MARCHF3: variants seen among roughly 807,000 people sequenced by gnomAD.
MARCHF3 encodes E3 ubiquitin-protein ligase MARCHF3.
MARCHF3 carries 13 observed loss-of-function variants against 24.2 expected under a neutral mutation model. The observed-to-expected ratio is 0.54, with a 90% confidence interval of 0.35 to 0.85. The LOEUF (loss-of-function observed/expected upper bound fraction) is 0.85. MARCHF3 is among the 40% of genes least tolerant of loss of function. MARCHF3 has a pLI of 0.01. For synonymous variants in MARCHF3, 144 were observed against 137.3 expected, an observed-to-expected ratio of 1.05 and a Z score of -0.34; for missense variants, 276 against 325.0, an observed-to-expected ratio of 0.85 and a Z score of 1.16.
chr5:126,999,195 C>T (rs1029336042), intron 1 of MARCHF3, among the ~76,000 whole-genome samples: 6 of 152,220 alleles, frequency 3.9e-5, no homozygotes, highest in African/African-American at 1.4e-4. Context: ...AAAAAATTGC[C>T]AACTTGCATA....
intron 1 of MARCHF3, among the ~76,000 whole-genome samples, chr5:126,996,868 G>T (rs180979117): frequency 6.6e-6 from 1 of 152,094 alleles, no homozygotes; most frequent in Admixed American, 6.5e-5. Flanking sequence ...AAATCAGAGC[G>T]CAGAAGAGTA....
chr5:126,899,703 C>G (rs1214807850), intron 3 of MARCHF3, among the ~76,000 whole-genome samples: 1 of 152,140 alleles, frequency 6.6e-6, no homozygotes, highest in Non-Finnish European at 1.5e-5. Flanking sequence ...AGAAGTGCCA[C>G]TCTACTCTTC....
chr5:126,899,343 G>C, intron 3 of MARCHF3: 1 of 980,722 alleles, frequency 1.0e-6, no homozygotes, highest in Non-Finnish European at 1.2e-6. Flanking sequence ...TTTCCTTTCT[G>C]GGTTGCAAAA....
At chr5:126,877,491 G>T (rs972063083) in intron 4 of MARCHF3, among the ~76,000 whole-genome samples, 10 of 152,128 alleles carry the variant, frequency 6.6e-5, no homozygotes, top group African/African-American at 2.4e-4. Flanking sequence ...CTGTCAACTG[G>T]TACTCAAGCG....
At chr5:127,007,316 T>C (rs1297368432) in intron 1 of MARCHF3, among the ~76,000 whole-genome samples, 2 of 150,826 alleles carry the variant, frequency 1.3e-5, no homozygotes, top group Non-Finnish European at 3.0e-5. Context: ...TTCCTAAAGA[T>C]ACATGGATTT....
At chr5:126,894,605 G>A (rs1205203905) in intron 3 of MARCHF3, among the ~76,000 whole-genome samples, 1 of 151,924 alleles carries the variant, frequency 6.6e-6, no homozygotes, top group Non-Finnish European at 1.5e-5. Flanking sequence ...TAAGAATGTT[G>A]AATATTGGCC....
chr5:126,965,726 T>C (rs1750785072), intron 1 of MARCHF3, among the ~76,000 whole-genome samples: 2 of 152,136 alleles, frequency 1.3e-5, no homozygotes, highest in South Asian at 4.1e-4. Flanking sequence ...GAGGATTTTC[T>C]CTCTACCAAT....
At chr5:127,003,298 T>G (rs1752193211) in intron 1 of MARCHF3, among the ~76,000 whole-genome samples, 1 of 150,370 alleles carries the variant, frequency 6.7e-6, no homozygotes, top group Admixed American at 6.6e-5. Context: ...AAAACCCGTC[T>G]CTACTAAAAA....
intron 1 of MARCHF3, among the ~76,000 whole-genome samples, chr5:126,985,710 C>A (rs535215071): frequency 6.6e-6 from 1 of 152,088 alleles, no homozygotes; most frequent in South Asian, 2.1e-4. Context: ...CTCCTGACCT[C>A]GTGATCCACC....
chr5:126,881,876 G>C (rs1753354216), intron 3 of MARCHF3, among the ~76,000 whole-genome samples: 1 of 152,160 alleles, frequency 6.6e-6, no homozygotes, highest in African/African-American at 2.4e-5. Context: ...GACACACAGA[G>C]TGAGAGAGAG....
chr5:126,957,599 T>C (rs1343064692), intron 1 of MARCHF3, among the ~76,000 whole-genome samples: 1 of 152,186 alleles, frequency 6.6e-6, no homozygotes, highest in Non-Finnish European at 1.5e-5. Context: ...TCTTTATTTA[T>C]ATGTCATCTT....
intron 1 of MARCHF3, among the ~76,000 whole-genome samples, chr5:126,973,556 A>G (rs1751090748): frequency 6.6e-6 from 1 of 152,230 alleles, no homozygotes; most frequent in East Asian, 1.9e-4. Flanking sequence ...AAAGCAGACA[A>G]TTGCAGAAGT....
At chr5:126,996,052 T>A (rs770816393) in intron 1 of MARCHF3, among the ~76,000 whole-genome samples, 2 of 152,204 alleles carry the variant, frequency 1.3e-5, no homozygotes, top group Non-Finnish European at 2.9e-5. Context: ...TGAGTGCAGA[T>A]TTGTTAAAAT....
intron 1 of MARCHF3, among the ~76,000 whole-genome samples, chr5:127,000,791 C>T (rs553224112): frequency 2.8e-4 from 42 of 152,126 alleles, no homozygotes; most frequent in African/African-American, 1.0e-3. Context: ...CTCCACCTCC[C>T]GAGTAGCTGG....
intron 1 of MARCHF3, among the ~76,000 whole-genome samples, chr5:126,951,041 C>T (rs1035870584): frequency 6.6e-6 from 1 of 152,192 alleles, no homozygotes; most frequent in African/African-American, 2.4e-5. Context: ...TCCAATGAGG[C>T]TTCTGCCACC....
At chr5:126,967,205 T>C (rs759602571) in intron 1 of MARCHF3, among the ~76,000 whole-genome samples, 15 of 151,976 alleles carry the variant, frequency 9.9e-5, no homozygotes, top group South Asian at 2.1e-4. Context: ...CAGCAATTGA[T>C]TGGTTTCAAA....
chr5:127,020,632 C>G (rs921058810), intron 1 of MARCHF3, among the ~76,000 whole-genome samples: 4 of 152,094 alleles, frequency 2.6e-5, no homozygotes, highest in African/African-American at 9.7e-5. Flanking sequence ...GGGCAGATCC[C>G]TTGAGCTCAG....
chr5:126,967,958 C>A (rs545172719), intron 1 of MARCHF3, among the ~76,000 whole-genome samples: 131 of 152,288 alleles, frequency 8.6e-4, no homozygotes, highest in African/African-American at 3.1e-3. Flanking sequence ...ACCCCACACC[C>A]ATTAGCAGTC....
Position 126,992,012 on chromosome 5 carries a change from T to C in MARCHF3, c.-57+38338A>G, listed in dbSNP as rs1223137094. Reference sequence around the variant, plus strand: ...CACTTGGACCACAAACACTAGCAGCTCTGGGAAAACAATTTACCTGATGAT... The same window carrying C: ...CACTTGGACCACAAACACTAGCAGCCCTGGGAAAACAATTTACCTGATGAT... On this transcript the variant is annotated intron_variant, in intron 1 of 4. Coordinates refer to ENST00000308660, the MANE Select transcript of MARCHF3 (RefSeq NM_178450.5). 2.0e-5 allele frequency among the ~76,000 whole-genome samples: 3 copies of C among 152,278 alleles called. No individual in the cohort carries two copies. In the East Asian group the frequency reaches 5.8e-4, roughly 29 times the overall value.
Sources: allele counts gnomAD v4.1 joint callset (sites outside exome capture counted in the v4.1 genomes callset), GRCh38; gene constraint gnomAD v4.1.1; transcripts MANE v1.5; gene names NCBI Gene and HGNC (gene_info 2026-07-23, HGNC 2026-07-21).